The following XIRP2 variants were observed in gnomAD, a reference collection of about 807,000 sequenced individuals.
XIRP2 encodes xin actin-binding repeat-containing protein 2.
In XIRP2, 236 loss-of-function variants were observed where a neutral mutation model predicts 277.0. The ratio of observed to expected loss-of-function variants is 0.85; its 90% CI spans 0.77 to 0.95. The LOEUF is 0.95. XIRP2 is among the 40% of genes least tolerant of loss of function. The pLI, the probability that XIRP2 is intolerant of heterozygous loss-of-function variation, is 0.00. For synonymous variants in XIRP2, 1,490 were observed against 1,416.5 expected, an observed-to-expected ratio of 1.05 and a Z score of -1.17; for missense variants, 4,640 against 4,157.5, an observed-to-expected ratio of 1.12 and a Z score of -3.19.
intron 2 of XIRP2, among the ~76,000 whole-genome samples, chr2:166,933,089 C>T (rs1558920636): frequency 6.7e-6 from 1 of 149,232 alleles, no homozygotes; most frequent in Non-Finnish European, 1.5e-5. Context: ...CACACACATA[C>T]ACACACACAC....
intron 2 of XIRP2, among the ~76,000 whole-genome samples, chr2:167,076,717 C>T (rs1222803498): frequency 1.3e-5 from 2 of 151,970 alleles, no homozygotes; most frequent in Admixed American, 1.3e-4. Context: ...TGGAAGATCC[C>T]CTGTGTTCAT....
chr2:167,146,447 G>A (rs914367152), intron 3 of XIRP2, among the ~76,000 whole-genome samples: 3 of 151,766 alleles, frequency 2.0e-5, no homozygotes, highest in Non-Finnish European at 4.4e-5. Flanking sequence ...GTTGCAGTGA[G>A]CTGAGATTCT....
intron 2 of XIRP2, among the ~76,000 whole-genome samples, chr2:166,913,315 C>G (rs916862474): frequency 7.7e-6 from 1 of 130,434 alleles, no homozygotes; most frequent in Admixed American, 8.7e-5. Flanking sequence ...TGGGCACCCC[C>G]CCCCCCCAGC....
At position 167,248,490 on chromosome 2, in the gene XIRP2, T is replaced by G. The variant is rs868712714; in HGVS notation, c.7098T>G (p.Pro2366=). Residue 2366 remains proline (P), a synonymous_variant, in exon 9 of 11, where the codon CCT becomes CCG. Coordinates refer to ENST00000409195, the MANE Select transcript of XIRP2 (RefSeq NM_152381.6). ...AAAGTTCATCGATGTTTCTGCCGCC[T>G]CCTCCTCCTCCAACTCCATCTCAAA... ...ERESSSMFLP[P]PPPPTPSQKP... The G allele has an allele frequency of 8.7e-6, 14 of 1,610,342 alleles. No individual in the cohort carries two copies. In the Middle Eastern group the frequency reaches 6.6e-4, roughly 76 times the overall value.
chr2:166,909,323 G>T (rs1249046885), intron 2 of XIRP2, among the ~76,000 whole-genome samples: 1 of 152,090 alleles, frequency 6.6e-6, no homozygotes, highest in African/African-American at 2.4e-5. Context: ...CCTTGAAGAG[G>T]TCCTTCACAT....
Position 167,246,913 on chromosome 2 carries a change from T to A in XIRP2, c.5521T>A (p.Leu1841Met). ...CAAAGAAGAGATTATAAAAGGTGAT[T>A]TGACATCAACCCTAAATTCCCTCAG... ...IPKEEIIKGD[L>M]TSTLNSLSQA... is the part of the protein sequence containing the mutation. Residue 1841 changes from leucine to methionine, a missense_variant, in exon 9 of 11, where the codon TTG (leucine) becomes ATG (methionine). Transcript: ENST00000409195. 1 of 1,613,288 alleles carries A rather than the reference T, an allele frequency of 6.2e-7. No individual in the cohort carries two copies. Among genetic ancestry groups the A allele is most frequent in the South Asian group, 1.1e-5 (1 of 91,020 alleles).
Position 166,895,949 on chromosome 2 carries a change from C to A in XIRP2, c.-19+7392C>A, listed in dbSNP as rs112546766. ...TACTAAGAAGAAAACAGAGGCTTGC[C>A]TTTTACAATTAGTGGATTTTGCTTT... is the stretch of plus-strand genomic sequence containing the variant. On this transcript the variant is annotated intron_variant, in intron 1 of 10. Transcript: ENST00000409195. Among the ~76,000 whole-genome samples, 43 of 152,224 alleles carry A rather than the reference C, an allele frequency of 2.8e-4. 1 individual carries two copies. The highest frequency in any genetic ancestry group is 1.2e-3 in the Admixed American group (18 of 15,266).
chr2:167,233,508 T>C (rs1472958823), intron 5 of XIRP2, among the ~76,000 whole-genome samples: 1 of 151,760 alleles, frequency 6.6e-6, no homozygotes, highest in Non-Finnish European at 1.5e-5. Flanking sequence ...TAAATGGGCC[T>C]GAAGTTCTAG....
chr2:167,182,896 C>A (rs57000446), intron 3 of XIRP2, among the ~76,000 whole-genome samples: 15,012 of 152,026 alleles, frequency 0.099, 793 homozygotes, highest in South Asian at 0.16. Flanking sequence ...TAAACATGAG[C>A]CAAATCAATG....
Position 167,249,946 on chromosome 2 carries a change from G to A in XIRP2, c.8554G>A (p.Val2852Ile), listed in dbSNP as rs1043206048. Residue 2852 changes from valine (V) to isoleucine (I), a missense_variant, in exon 9 of 11, where the codon GTC becomes ATC. Coordinates refer to ENST00000409195, the MANE Select transcript of XIRP2 (RefSeq NM_152381.6). ...TCTGAAGAATAAATCAGCACCAAAG[G>A]TCGTCAAGCAAAAGGTTATCGATGC... Reference protein sequence around the residue: ...EHLKNKSAPKVVKQKVIDAHL... With the variant: ...EHLKNKSAPKIVKQKVIDAHL... 1.1e-5 allele frequency: 17 copies of A among 1,613,380 alleles called. No homozygotes were observed. The highest frequency in any genetic ancestry group is 1.4e-5 in the Non-Finnish European group (17 of 1,179,680).
At chr2:167,021,771 G>C (rs558032533) in intron 2 of XIRP2, among the ~76,000 whole-genome samples, 1 of 152,186 alleles carries the variant, frequency 6.6e-6, no homozygotes, top group South Asian at 2.1e-4. Context: ...GCTGTGGTGA[G>C]CCGTGACTGT....
At chr2:166,984,276 G>T (rs973702571) in intron 2 of XIRP2, among the ~76,000 whole-genome samples, 1 of 152,120 alleles carries the variant, frequency 6.6e-6, no homozygotes, top group Non-Finnish European at 1.5e-5. Flanking sequence ...TTTCTACAAG[G>T]TGTCTCATAT....
intron 5 of XIRP2, among the ~76,000 whole-genome samples, chr2:167,218,816 T>A (rs1694334092): frequency 6.6e-6 from 1 of 152,136 alleles, no homozygotes; most frequent in Non-Finnish European, 1.5e-5. Flanking sequence ...TTATCTTATA[T>A]AAATTTTTTT....
At chr2:167,214,142 GA>G (rs1694155640) in intron 4 of XIRP2, among the ~76,000 whole-genome samples, 6 of 95,926 alleles carry the variant, frequency 6.3e-5, no homozygotes, top group African/African-American at 1.5e-4. Context: ...AGGAAGCAAA[GA>G]GAAAGAGAAA....
chr2:167,153,904 A>G (rs1692101571), intron 3 of XIRP2, among the ~76,000 whole-genome samples: 1 of 151,460 alleles, frequency 6.6e-6, no homozygotes, highest in Non-Finnish European at 1.5e-5. Flanking sequence ...CATGATTTAT[A>G]GTCCTTTGGG....
intron 2 of XIRP2, among the ~76,000 whole-genome samples, chr2:166,904,437 A>G (rs1478557936): frequency 2.6e-5 from 4 of 152,176 alleles, no homozygotes; most frequent in Non-Finnish European, 4.4e-5. Context: ...ATTATAGGTA[A>G]CATTTTAAAC....
At chr2:167,209,776 T>C (rs1433919580) in intron 3 of XIRP2, among the ~76,000 whole-genome samples, 1 of 152,066 alleles carries the variant, frequency 6.6e-6, no homozygotes, top group Non-Finnish European at 1.5e-5. Context: ...TTGAGATCAG[T>C]TCTGGCATAC....
intron 2 of XIRP2, among the ~76,000 whole-genome samples, chr2:167,007,699 TCTCTCACACACACA>T (rs1243637153): frequency 8.1e-6 from 1 of 123,424 alleles, no homozygotes; most frequent in South Asian, 2.7e-4. Flanking sequence ...TCTCTCTCTC[TCTCTCACACACACA>T]CACACACACA....
chr2:167,157,742 G>C (rs926302791), intron 3 of XIRP2, among the ~76,000 whole-genome samples: 2 of 152,070 alleles, frequency 1.3e-5, no homozygotes, highest in Non-Finnish European at 2.9e-5. Flanking sequence ...GAAATTCCTT[G>C]ACAATGCTGC....
Sources: allele counts gnomAD v4.1 joint callset (sites outside exome capture counted in the v4.1 genomes callset), GRCh38; gene constraint gnomAD v4.1.1; transcripts MANE v1.5; gene names NCBI Gene and HGNC (gene_info 2026-07-23, HGNC 2026-07-21).